NUDCD3: variants seen among roughly 807,000 people sequenced by gnomAD.
NUDCD3 encodes the protein NudC domain containing 3.
A neutral mutation model predicts 39.7 loss-of-function variants in NUDCD3; 13 were observed. The ratio of observed to expected loss-of-function variants is 0.33; its 90% CI spans 0.21 to 0.52. The LOEUF (loss-of-function observed/expected upper bound fraction) is 0.52, where lower values mean the gene tolerates loss of function less well. Ranked by LOEUF, NUDCD3 falls within the 20% of genes least tolerant of loss-of-function variation. The pLI is 0.96. For synonymous variants in NUDCD3, 175 were observed against 172.4 expected, an observed-to-expected ratio of 1.02 and a Z score of -0.12; for missense variants, 453 against 458.1, an observed-to-expected ratio of 0.99 and a Z score of 0.10.
At chr7:44,429,263 C>G (rs983968308) in intron 2 of NUDCD3, among the ~76,000 whole-genome samples, 1 of 152,104 alleles carries the variant, frequency 6.6e-6, no homozygotes, top group African/African-American at 2.4e-5. Flanking sequence ...CAGAATGTGA[C>G]CTTAATAAAA....
At chr7:44,482,922 G>C (rs1408742613) in intron 2 of NUDCD3, among the ~76,000 whole-genome samples, 1 of 152,100 alleles carries the variant, frequency 6.6e-6, no homozygotes, top group East Asian at 1.9e-4. Context: ...AACCTGCAGG[G>C]CTAAAAAATA....
chr7:44,453,558 T>C (rs1253311438), intron 2 of NUDCD3, among the ~76,000 whole-genome samples: 1 of 152,040 alleles, frequency 6.6e-6, no homozygotes, highest in Non-Finnish European at 1.5e-5. Flanking sequence ...AACCCCAAGA[T>C]GAAGGTTAAA....
rs1327423895 is a variant in NUDCD3 at position 44,384,013 on chromosome 7, G to T, written c.*1998C>A. 1 of 152,260 alleles carries T rather than the reference G, an allele frequency of 6.6e-6. No homozygotes were observed. Among genetic ancestry groups the T allele is most frequent in the Non-Finnish European group, 1.5e-5 (1 of 68,070 alleles). The allele number at this position is 152,260 out of a possible 1,614,324, so 9.4% of individuals were successfully genotyped here. On this transcript the variant is annotated 3_prime_UTR_variant, in exon 6 of 6. Coordinates refer to ENST00000355451, the MANE Select transcript of NUDCD3 (RefSeq NM_015332.4). ...AGATATTGGTTTGCTGTTTATTAAA[G>T]CAGGGCAGGGAGTGGGGAGAAATGC...
intron 2 of NUDCD3, among the ~76,000 whole-genome samples, chr7:44,480,940 T>TC (rs1288839282): frequency 1.2e-4 from 1 of 8,644 alleles, no homozygotes; most frequent in African/African-American, 7.1e-4. Context: ...AGACCCAGTA[T>TC]CAAAAAAAAA....
intron 4 of NUDCD3, among the ~76,000 whole-genome samples, chr7:44,399,405 T>A (rs1340875473): frequency 6.6e-6 from 1 of 152,228 alleles, no homozygotes; most frequent in Non-Finnish European, 1.5e-5. Context: ...TCTGGGCTCT[T>A]GCCAAAATGC....
rs543440196 is a variant in NUDCD3, at chr7:44,478,633, A to G, written c.509+6335T>C. ...TCATTTGACATGCCCTGGCAGCAAC[A>G]GTAGGGCAGAAACAAGAATGAAATT... On this transcript the variant is annotated intron_variant, in intron 2 of 5. Transcript: ENST00000355451. 2.0e-5 allele frequency among the ~76,000 whole-genome samples: 3 copies of G among 152,340 alleles called. No homozygotes were observed. In the South Asian group the frequency reaches 6.2e-4, roughly 32 times the overall value.
In NUDCD3 at chr7:44,490,658, T is replaced by C. The variant is rs776974888; in HGVS notation, c.-58A>G. 5 of 1,501,878 alleles carry C rather than the reference T, an allele frequency of 3.3e-6. No homozygotes were observed. The highest frequency in any genetic ancestry group is 4.4e-6 in the Non-Finnish European group (5 of 1,124,234). 93.0% of individuals were successfully genotyped at this position (1,501,878 alleles called of 1,614,324 possible). On this transcript the variant is annotated 5_prime_UTR_variant, in exon 1 of 6. Transcript: ENST00000355451. ...ACAGCGCCGCCTCAGACCTGCCGAC[T>C]GGCCACTTCCGGCGTCCGCAGCCAA...
intron 1 of NUDCD3, among the ~76,000 whole-genome samples, chr7:44,489,557 C>T (rs1316416750): frequency 6.6e-6 from 1 of 152,210 alleles, no homozygotes; most frequent in Non-Finnish European, 1.5e-5. Context: ...TACAAATAGG[C>T]TTAATACTTG....
chr7:44,464,223 A>AG, intron 2 of NUDCD3, among the ~76,000 whole-genome samples: 1 of 147,600 alleles, frequency 6.8e-6, no homozygotes, highest in African/African-American at 2.4e-5. Context: ...CAAAAAAAAA[A>AG]AAAAAAGAAA....
intron 3 of NUDCD3, among the ~76,000 whole-genome samples, chr7:44,425,365 G>A (rs1426064298): frequency 6.6e-6 from 1 of 152,138 alleles, no homozygotes; most frequent in African/African-American, 2.4e-5. Context: ...TTACTTCACA[G>A]GTTGCAGGTT....
intron 2 of NUDCD3, among the ~76,000 whole-genome samples, chr7:44,430,531 G>T (rs1799336687): frequency 6.6e-6 from 1 of 150,376 alleles, no homozygotes; most frequent in African/African-American, 2.5e-5. Context: ...AGTCAAAATT[G>T]TGAAAATATA....
Position 44,490,632 on chromosome 7 carries a change from C to A in NUDCD3, c.-32G>T. 1 of 1,565,626 alleles carries A rather than the reference C, an allele frequency of 6.4e-7. No homozygotes were observed. The highest frequency in any genetic ancestry group is 1.2e-5 in the South Asian group (1 of 85,146). On this transcript the variant is annotated 5_prime_UTR_variant, in exon 1 of 6. Transcript: ENST00000355451. ...TCCCGCCCTAGGTACGCTTCACACA[C>A]ACAGCGCCGCCTCAGACCTGCCGAC...
At position 44,489,720 on chromosome 7, in the gene NUDCD3, T is replaced by TTG. The variant is rs1280893138; in HGVS notation, c.192+688_192+689insCA. 4 of 8,360 alleles carry TTG rather than the reference T, an allele frequency of 4.8e-4. No individual in the cohort carries two copies. The East Asian group carries it at 0.25, about 522-fold the overall frequency. The allele number at this position is 8,360 out of a possible 1,614,324, so 0.5% of individuals were successfully genotyped here. ...CTATTACTTTCTGGGTTTTCTCTCT[T>TTG]TAACTGTGTCACAAGGAGAGAGAAA... is the stretch of plus-strand genomic sequence containing the variant. On this transcript the variant is annotated intron_variant, in intron 1 of 5. Transcript: ENST00000355451.
chr7:44,411,279 T>C (rs928617475), intron 3 of NUDCD3, among the ~76,000 whole-genome samples: 1 of 152,016 alleles, frequency 6.6e-6, no homozygotes, highest in African/African-American at 2.4e-5. Context: ...AAAAAAAATA[T>C]TGACTTCATC....
intron 2 of NUDCD3, among the ~76,000 whole-genome samples, chr7:44,482,487 G>T (rs1800512396): frequency 6.6e-6 from 1 of 152,228 alleles, no homozygotes; most frequent in African/African-American, 2.4e-5. Context: ...GTAAGCAAAG[G>T]TGGGAAGATC....
intron 2 of NUDCD3, among the ~76,000 whole-genome samples, chr7:44,462,151 A>ACTCT (rs146237029): frequency 2.7e-5 from 4 of 150,074 alleles, no homozygotes; most frequent in African/African-American, 4.9e-5. Context: ...GTACACACAC[A>ACTCT]CTCTCTCTCT....
intron 2 of NUDCD3, among the ~76,000 whole-genome samples, chr7:44,454,108 G>A (rs769214033): frequency 1.3e-5 from 2 of 152,196 alleles, no homozygotes; most frequent in African/African-American, 4.8e-5. Flanking sequence ...GGGAGGCCGA[G>A]GCAGGCAGAT....
chr7:44,445,214 T>C (rs1330109271), intron 2 of NUDCD3, among the ~76,000 whole-genome samples: 1 of 152,246 alleles, frequency 6.6e-6, no homozygotes, highest in Non-Finnish European at 1.5e-5. Flanking sequence ...CTGCCTGGTA[T>C]GTATCCTTTC....
intron 2 of NUDCD3, among the ~76,000 whole-genome samples, chr7:44,453,118 T>TGA (rs1467974325): frequency 2.0e-5 from 3 of 151,884 alleles, no homozygotes; most frequent in African/African-American, 7.3e-5. Context: ...TTTGGGAAGC[T>TGA]GAGGGGGGCG....
Sources: allele counts gnomAD v4.1 joint callset (sites outside exome capture counted in the v4.1 genomes callset), GRCh38; gene constraint gnomAD v4.1.1; transcripts MANE v1.5; gene names NCBI Gene and HGNC (gene_info 2026-07-23, HGNC 2026-07-21).